The following FMN1 variants were observed in gnomAD, a reference collection of about 807,000 sequenced individuals.
FMN1 encodes formin 1, also known as formin-1.
FMN1 carries 110 observed loss-of-function variants against 132.4 expected under a neutral mutation model. The observed-to-expected ratio is 0.83, with a 90% CI of 0.71 to 0.97. The LOEUF (loss-of-function observed/expected upper bound fraction) is 0.97. Ranked by LOEUF, FMN1 falls within the 50% of genes least tolerant of loss-of-function variation. FMN1 has a pLI of 0.00. For missense variants in FMN1, 1,792 were observed against 1,705.3 expected (o/e 1.05, Z -0.90); for synonymous variants, 722 against 651.7 (o/e 1.11, Z -1.64).
chr15:33,187,048 C>T (rs75196943), intron 2 of FMN1, among the ~76,000 whole-genome samples: 1 of 152,142 alleles, frequency 6.6e-6, no homozygotes, highest in Non-Finnish European at 1.5e-5. Flanking sequence ...GACCCCACAC[C>T]TATATATTGG....
At chr15:32,855,160 A>T (rs1032991963) in intron 17 of FMN1, among the ~76,000 whole-genome samples, 5,585 of 100,518 alleles carry the variant, frequency 0.056, 311 homozygotes, top group African/African-American at 0.17. Context: ...TGGAGAGTAA[A>T]AAAAAAAAAA....
At chr15:33,194,270 T>A in intron 1 of FMN1, among the ~76,000 whole-genome samples, 1 of 89,210 alleles carries the variant, frequency 1.1e-5, no homozygotes, top group Admixed American at 1.9e-4. Context: ...CCACCTTTCC[T>A]GTGCCAAGCT....
intron 16 of FMN1, chr15:32,860,725 GC>G (rs2059249495): frequency 6.6e-6 from 1 of 152,270 alleles, no homozygotes; most frequent in Non-Finnish European, 1.5e-5. Context: ...TTCCAGAGAT[GC>G]AATGTGACTT....
chr15:33,153,907 C>T lies in FMN1; in HGVS notation c.1008G>A (p.Leu336=). ...VSKVVAKVQD[L]SSQVQRVVKT... is the part of the protein sequence containing the mutation. Reference sequence around the variant, plus strand: ...TAACTACTCTTTGTACCTGGGAGGACAGGTCCTGAACTTTGGCCACCACTT... The same window carrying T: ...TAACTACTCTTTGTACCTGGGAGGATAGGTCCTGAACTTTGGCCACCACTT... Residue 336 remains leucine (L), a synonymous_variant, in exon 4 of 21, where the codon CTG becomes CTA. Transcript: ENST00000616417. 1 of 1,536,814 alleles carries T rather than the reference C, an allele frequency of 6.5e-7. No individual in the cohort carries two copies. Among genetic ancestry groups the T allele is most frequent in the Non-Finnish European group, 8.7e-7 (1 of 1,147,068 alleles).
intron 4 of FMN1, among the ~76,000 whole-genome samples, chr15:33,105,575 G>T (rs898565540): frequency 2.6e-5 from 4 of 152,230 alleles, no homozygotes; most frequent in African/African-American, 9.6e-5. Flanking sequence ...ACTGGGGAAA[G>T]GTTTACAGAC....
chr15:32,917,778 G>A (rs7178175), intron 10 of FMN1, among the ~76,000 whole-genome samples: 64,197 of 151,974 alleles, frequency 0.42, 13,975 homozygotes, highest in African/African-American at 0.53. Flanking sequence ...TCTAAAAAAA[G>A]TTTCAATGAA....
At chr15:32,924,152 G>C (rs998546315) in intron 10 of FMN1, among the ~76,000 whole-genome samples, 3 of 152,072 alleles carry the variant, frequency 2.0e-5, no homozygotes. Flanking sequence ...TCTAACTTGA[G>C]ATTCTTCTAA....
Position 33,036,382 on chromosome 15 carries a change from T to A in FMN1, c.2162-28307A>T, listed in dbSNP as rs56999001. ...CTTCACACATAATTCCATGTAGGAATACCATGCTATAAGGTTTTATACATT... is the reference window on the plus strand; with the variant it reads ...CTTCACACATAATTCCATGTAGGAAAACCATGCTATAAGGTTTTATACATT... On this transcript the variant is annotated intron_variant, in intron 6 of 20. Coordinates refer to ENST00000616417, the MANE Select transcript of FMN1 (RefSeq NM_001277313.2). Among the ~76,000 whole-genome samples, 567 of 152,348 alleles carry A rather than the reference T, an allele frequency of 3.7e-3. 2 individuals carry two copies. Among genetic ancestry groups the A allele is most frequent in the African/African-American group, 0.013 (550 of 41,580 alleles).
chr15:32,978,937 A>G (rs185346686), intron 7 of FMN1, among the ~76,000 whole-genome samples: 145 of 152,334 alleles, frequency 9.5e-4, no homozygotes, highest in African/African-American at 2.9e-3. Flanking sequence ...AGAATTATCA[A>G]ATGGAGTCAG....
At chr15:32,813,919 T>C (rs993201655) in intron 17 of FMN1, among the ~76,000 whole-genome samples, 1 of 152,222 alleles carries the variant, frequency 6.6e-6, no homozygotes, top group African/African-American at 2.4e-5. Flanking sequence ...GGGCAGCATT[T>C]TTCTCCAGGA....
intron 4 of FMN1, among the ~76,000 whole-genome samples, chr15:33,123,524 T>TA (rs1431815585): frequency 6.6e-6 from 1 of 152,082 alleles, no homozygotes; most frequent in Non-Finnish European, 1.5e-5. Context: ...AAAAGATAAA[T>TA]ACAAGGCCTA....
chr15:32,867,186 T>C (rs2141351952), intron 16 of FMN1, among the ~76,000 whole-genome samples: 1 of 152,322 alleles, frequency 6.6e-6, no homozygotes, highest in African/African-American at 2.4e-5. Context: ...TGATTTGTTC[T>C]CCATACCTGA....
At chr15:33,092,914 G>A (rs750501266) in intron 4 of FMN1, among the ~76,000 whole-genome samples, 2 of 152,104 alleles carry the variant, frequency 1.3e-5, no homozygotes, top group African/African-American at 2.4e-5. Flanking sequence ...AAAACTCATG[G>A]CACACCCATT....
At chr15:32,979,604 T>G (rs1022891595) in intron 7 of FMN1, among the ~76,000 whole-genome samples, 22 of 147,554 alleles carry the variant, frequency 1.5e-4, no homozygotes. Context: ...TTTCAGAAGC[T>G]CACATTCTAG....
intron 7 of FMN1, among the ~76,000 whole-genome samples, chr15:32,993,802 T>C (rs984063523): frequency 1.3e-5 from 2 of 149,448 alleles, no homozygotes; most frequent in Non-Finnish European, 2.9e-5. Flanking sequence ...GACCCTGTCT[T>C]AGAGCCACTA....
intron 17 of FMN1, among the ~76,000 whole-genome samples, chr15:32,852,524 C>T (rs1567272431): frequency 6.6e-6 from 1 of 152,108 alleles, no homozygotes; most frequent in Non-Finnish European, 1.5e-5. Context: ...AGACTACAGG[C>T]GCCACCACTT....
chr15:32,865,898 T>C (rs8040135), intron 16 of FMN1, among the ~76,000 whole-genome samples: 7 of 150,596 alleles, frequency 4.6e-5, no homozygotes, highest in African/African-American at 1.5e-4. Context: ...AACTCAATAA[T>C]AGAAATACAA....
chr15:32,937,480 C>T (rs1028469808), intron 9 of FMN1, among the ~76,000 whole-genome samples: 8 of 152,194 alleles, frequency 5.3e-5, no homozygotes, highest in South Asian at 2.1e-4. Context: ...GGAACTGGCC[C>T]GTGTATTATT....
At chr15:32,955,863 G>A (rs75549633) in intron 9 of FMN1, among the ~76,000 whole-genome samples, 1 of 152,054 alleles carries the variant, frequency 6.6e-6, no homozygotes, top group African/African-American at 2.4e-5. Context: ...GGTGAGAAAG[G>A]AATTCCAGAA....
Sources: allele counts gnomAD v4.1 joint callset (sites outside exome capture counted in the v4.1 genomes callset), GRCh38; gene constraint gnomAD v4.1.1; transcripts MANE v1.5; gene names NCBI Gene and HGNC (gene_info 2026-07-23, HGNC 2026-07-21).